Variants in ARHGEF10 observed in about 807,000 individuals in gnomAD.
The protein encoded by ARHGEF10 is Rho guanine nucleotide exchange factor 10, also known as Rho guanine nucleotide exchange factor (GEF) 10.
In ARHGEF10, 140 loss-of-function variants were observed where a neutral mutation model predicts 147.4. That is an observed-to-expected ratio of 0.95 (90% CI 0.83 to 1.09). The LOEUF (loss-of-function observed/expected upper bound fraction) is 1.09, where lower values mean the gene tolerates loss of function less well. Ranked by LOEUF, ARHGEF10 falls within the 50% of genes least tolerant of loss-of-function variation. The pLI is 0.00. For missense variants in ARHGEF10, 2,222 were observed against 1,752.7 expected, an observed-to-expected ratio of 1.27 and a Z score of -4.78; for synonymous variants, 902 against 695.8, an observed-to-expected ratio of 1.30 and a Z score of -4.67.
At chr8:1,938,915 C>G (rs1813846190) in intron 26 of ARHGEF10, among the ~76,000 whole-genome samples, 1 of 149,612 alleles carries the variant, frequency 6.7e-6, no homozygotes, top group African/African-American at 2.6e-5. Flanking sequence ...ATCCCAGTCC[C>G]CAGAAACCCT....
intron 10 of ARHGEF10, among the ~76,000 whole-genome samples, chr8:1,883,664 G>T (rs1808404786): frequency 6.6e-6 from 1 of 152,200 alleles, no homozygotes; most frequent in African/African-American, 2.4e-5. Context: ...GGTTTATTTG[G>T]TGATGGAGAC....
rs753916633 is a variant in ARHGEF10, at chr8:1,929,460, G to C, written c.3079+17G>C. The C allele has an allele frequency of 3.1e-6, 5 of 1,593,670 alleles. No homozygotes were observed. Among genetic ancestry groups the C allele is most frequent in the Middle Eastern group, 2.3e-4 (1 of 4,344 alleles). On this transcript the variant is annotated intron_variant, in intron 25 of 28. Transcript: ENST00000349830. ...GAGCCCCAGGTGAGGCGGGTCTCAC[G>C]GCCTCCTGGCCGGTCCTTGGGGTTC... is the stretch of plus-strand genomic sequence containing the variant.
chr8:1,825,992 G>A, intron 1 of ARHGEF10: 1 of 831,442 alleles, frequency 1.2e-6, no homozygotes, highest in Non-Finnish European at 1.9e-6. Context: ...GATTACTGAG[G>A]TTTACACGTC....
intron 17 of ARHGEF10, among the ~76,000 whole-genome samples, chr8:1,908,639 G>T (rs1811106821): frequency 1.3e-5 from 2 of 152,210 alleles, no homozygotes; most frequent in Admixed American, 1.3e-4. Flanking sequence ...GGGCTGCGGG[G>T]ATGCTGGCGA....
intron 26 of ARHGEF10, among the ~76,000 whole-genome samples, chr8:1,935,162 G>C (rs1411513992): frequency 6.6e-6 from 1 of 152,062 alleles, no homozygotes; most frequent in Non-Finnish European, 1.5e-5. Flanking sequence ...CTGCAAAATT[G>C]AATGAAAAGT....
At chr8:1,898,590 G>C in intron 15 of ARHGEF10, 65 bp downstream of exon 15, 1 of 1,509,750 alleles carries the variant, frequency 6.6e-7, no homozygotes. Context: ...ATTTGAAAAT[G>C]GCGTCTGTTC....
Position 1,956,894 on chromosome 8 carries a change from A to T in ARHGEF10, c.3666A>T (p.Ala1222=), listed in dbSNP as rs1237354168. The change falls in exon 29 of 29, where the codon GCA becomes GCT. Residue 1222 remains alanine, a synonymous_variant. Transcript: ENST00000349830. ...PEPQDEDQKD[A]LPSGGAGSSL... Reference sequence around the variant, plus strand: ...CTCAGGACGAAGACCAGAAGGACGCACTTCCGAGTGGAGGAGCTGGTTCAT... The same window carrying T: ...CTCAGGACGAAGACCAGAAGGACGCTCTTCCGAGTGGAGGAGCTGGTTCAT... 6.2e-7 allele frequency: 1 copy of T among 1,613,880 alleles called. No homozygotes were observed. Among genetic ancestry groups the T allele is most frequent in the Non-Finnish European group, 8.5e-7 (1 of 1,179,962 alleles).
chr8:1,838,588 T>C (rs942622750), intron 1 of ARHGEF10, among the ~76,000 whole-genome samples: 1 of 152,260 alleles, frequency 6.6e-6, no homozygotes, highest in African/African-American at 2.4e-5. Flanking sequence ...TTCAGCACAG[T>C]TGGTGTTGGC....
chr8:1,903,534 CT>C, intron 16 of ARHGEF10, 83 bp downstream of exon 16: 2 of 1,553,016 alleles, frequency 1.3e-6, no homozygotes, highest in Non-Finnish European at 1.8e-6. Flanking sequence ...CAATACTAAT[CT>C]TTTGGATCGT....
intron 26 of ARHGEF10, among the ~76,000 whole-genome samples, chr8:1,936,361 A>G (rs1008538975): frequency 2.6e-5 from 4 of 152,160 alleles, no homozygotes; most frequent in Non-Finnish European, 5.9e-5. Context: ...CAAAAAATAT[A>G]TAAGTTAGCT....
intron 25 of ARHGEF10, among the ~76,000 whole-genome samples, chr8:1,929,736 C>T (rs1369275277): frequency 1.3e-5 from 2 of 152,206 alleles, no homozygotes; most frequent in African/African-American, 2.4e-5. Context: ...CCATGCAGAG[C>T]CTCCTTCAGC....
intron 11 of ARHGEF10, among the ~76,000 whole-genome samples, chr8:1,890,425 A>G (rs1468375604): frequency 5.0e-5 from 6 of 119,442 alleles, no homozygotes; most frequent in East Asian, 3.0e-4. Flanking sequence ...AAGACACTGA[A>G]TGGGTTGAGG....
At chr8:1,844,112 G>A (rs1444545298) in intron 2 of ARHGEF10, among the ~76,000 whole-genome samples, 4 of 152,118 alleles carry the variant, frequency 2.6e-5, no homozygotes, top group African/African-American at 7.2e-5. Flanking sequence ...TGTTGCACAT[G>A]GGCCTGGTGT....
At chr8:1,952,605 G>A in intron 27 of ARHGEF10, 100 bp from the exon 28 acceptor site, 1 of 1,503,612 alleles carries the variant, frequency 6.7e-7, no homozygotes, top group South Asian at 1.2e-5. Flanking sequence ...CGGATTTGGT[G>A]GTGGCACGAC....
At chr8:1,923,182 T>G (rs2129212149) in intron 19 of ARHGEF10, 103 bp downstream of exon 19, 3 of 998,454 alleles carry the variant, frequency 3.0e-6, no homozygotes, top group Non-Finnish European at 3.0e-6. Flanking sequence ...GAATTCATTT[T>G]GACTTTAAAA....
intron 10 of ARHGEF10, among the ~76,000 whole-genome samples, chr8:1,884,389 C>A (rs1442582221): frequency 1.6e-5 from 2 of 122,336 alleles, no homozygotes; most frequent in Non-Finnish European, 3.4e-5. Flanking sequence ...GAGCAAGAGT[C>A]CATCTCAAGA....
intron 15 of ARHGEF10, among the ~76,000 whole-genome samples, chr8:1,901,254 G>C (rs1000528378): frequency 3.3e-5 from 5 of 152,136 alleles, no homozygotes; most frequent in Non-Finnish European, 7.4e-5. Context: ...GCTGAGTGTA[G>C]GTGGATGGGG....
chr8:1,936,058 C>A lies in ARHGEF10; in HGVS notation c.3222+2116C>A, dbSNP rs182966002. ...GGAAAAGGCTACATACTTCCCCTCA[C>A]ACCTGCATTTTTCAGCCGTGTCATA... On this transcript the variant is annotated intron_variant, in intron 26 of 28. Coordinates refer to ENST00000349830, the MANE Select transcript of ARHGEF10 (RefSeq NM_014629.4). Among the ~76,000 whole-genome samples the A allele has an allele frequency of 3.0e-3, 461 of 152,344 alleles. 5 individuals carry two copies. The highest frequency in any genetic ancestry group is 0.011 in the African/African-American group (440 of 41,574).
chr8:1,931,361 C>G (rs1229362408), intron 25 of ARHGEF10, among the ~76,000 whole-genome samples: 4 of 152,234 alleles, frequency 2.6e-5, no homozygotes, highest in Non-Finnish European at 2.9e-5. Flanking sequence ...CTTATGTCCC[C>G]CTTTTTTCCC....
Sources: allele counts gnomAD v4.1 joint callset (sites outside exome capture counted in the v4.1 genomes callset), GRCh38; gene constraint gnomAD v4.1.1; transcripts MANE v1.5; gene names NCBI Gene and HGNC (gene_info 2026-07-23, HGNC 2026-07-21).